NDRG2: variants seen among roughly 807,000 people sequenced by gnomAD.
NDRG2 encodes the protein NDRG family member 2, also known as protein NDRG2.
Under a neutral mutation model 58.2 loss-of-function variants are expected in NDRG2, and 34 were observed. The ratio of observed to expected loss-of-function variants is 0.58; its 90% CI spans 0.44 to 0.78. The LOEUF is 0.78. Ranked by LOEUF, NDRG2 falls within the 30% of genes least tolerant of loss-of-function variation. The pLI is 0.00. For missense variants in NDRG2, 434 were observed against 471.2 expected (o/e 0.92, Z 0.73); for synonymous variants, 187 against 175.9 (o/e 1.06, Z -0.50).
At chr14:21,030,901 C>T in intron 1 of NDRG2, 4 of 1,512,062 alleles carry the variant, frequency 2.6e-6, no homozygotes, top group Non-Finnish European at 3.6e-6. Context: ...CTTCGAGACA[C>T]TCACTGATTG....
chr14:21,022,675 A>T (rs1881234145), intron 3 of NDRG2, 178 bp from the exon 4 acceptor site: 1 of 669,094 alleles, frequency 1.5e-6, no homozygotes. Flanking sequence ...TTTGAGGATA[A>T]GAAAGAATAA....
rs1883161799 is a variant in NDRG2, at chr14:21,025,058, A to C, written c.-1035T>G. ...TGCCGCCGCGGCCGCTTCCACCTTC[A>C]CTTGCCTTTGACTCGGGCCCGCCCC... is the stretch of plus-strand genomic sequence containing the variant. On this transcript the variant is annotated 5_prime_UTR_variant, in exon 1 of 16. Coordinates refer to ENST00000556147, the MANE Select transcript of NDRG2 (RefSeq NM_001320329.2). This position sits in a 1 kb window ranked among gnomAD's most constrained non-coding sequence, Gnocchi z 5.1. The C allele has an allele frequency of 6.1e-6, 6 of 981,206 alleles. No homozygotes were observed. Among genetic ancestry groups the C allele is most frequent in the South Asian group, 4.7e-5 (1 of 21,096 alleles). 60.8% of individuals were successfully genotyped at this position (981,206 alleles called of 1,614,324 possible).
chr14:21,066,925 C>T (rs925603715), intron 1 of NDRG2, among the ~76,000 whole-genome samples: 33 of 152,260 alleles, frequency 2.2e-4, no homozygotes, highest in Middle Eastern at 3.4e-3. Context: ...GGATATTGAT[C>T]CCCAGATTCC....
intron 1 of NDRG2, chr14:21,043,070 C>G: frequency 6.2e-7 from 1 of 1,614,214 alleles, no homozygotes. Context: ...AGATCCCAGT[C>G]AGTGCCAAGC....
intron 1 of NDRG2, among the ~76,000 whole-genome samples, chr14:21,066,974 C>T (rs1886301833): frequency 6.6e-6 from 1 of 152,212 alleles, no homozygotes; most frequent in South Asian, 2.1e-4. Context: ...GCTCTCAAGT[C>T]CGTCCCTAAA....
intron 1 of NDRG2, chr14:21,031,954 C>T (rs749641459): frequency 9.9e-6 from 16 of 1,614,016 alleles, no homozygotes; most frequent in South Asian, 5.5e-5. Context: ...CCGGCACCCA[C>T]AAGGAGCGCT....
chr14:21,033,027 G>A (rs1053112385), intron 1 of NDRG2: 1 of 454,076 alleles, frequency 2.2e-6, no homozygotes, highest in Middle Eastern at 3.3e-4. Context: ...GAGTCTGGGG[G>A]ATTTGGGAGG....
At chr14:21,063,907 C>A (rs1886110667) in intron 1 of NDRG2, among the ~76,000 whole-genome samples, 1 of 152,164 alleles carries the variant, frequency 6.6e-6, no homozygotes, top group Admixed American at 6.5e-5. Flanking sequence ...TTTCAGGCAA[C>A]TCTAAGTATT....
rs557969830 is a variant in NDRG2 at position 21,047,463 on chromosome 14, G to T, written c.24+23365C>A. On this transcript the variant is annotated intron_variant, in intron 1 of 14. Transcript: ENST00000403829. ...TCACAGCCAAGTTAAAGGATGCCAG[G>T]AATAGTGATGAAATAGGAATTTGAC... 8.5e-5 allele frequency among the ~76,000 whole-genome samples: 13 copies of T among 152,270 alleles called. No homozygotes were observed. The South Asian group carries it at 2.7e-3, about 32-fold the overall frequency.
intron 1 of NDRG2, among the ~76,000 whole-genome samples, chr14:21,038,618 G>A (rs948784818): frequency 6.6e-6 from 1 of 152,322 alleles, no homozygotes; most frequent in East Asian, 1.9e-4. Context: ...TCTGGCTGGG[G>A]TTGAGGCACT....
At chr14:21,039,567 G>A (rs932511799) in intron 1 of NDRG2, among the ~76,000 whole-genome samples, 1 of 152,156 alleles carries the variant, frequency 6.6e-6, no homozygotes, top group Non-Finnish European at 1.5e-5. Context: ...TGAATGCAGT[G>A]AAGCCAAAAT....
At chr14:21,058,463 C>T (rs1240644837) in intron 1 of NDRG2, 1 of 779,498 alleles carries the variant, frequency 1.3e-6, no homozygotes, top group South Asian at 1.8e-5. Flanking sequence ...ATGCCATTTC[C>T]CTCCCACACA....
chr14:21,043,460 T>C (rs774892324), intron 1 of NDRG2: 18 of 1,580,646 alleles, frequency 1.1e-5, no homozygotes, highest in Non-Finnish European at 1.5e-5. Flanking sequence ...ACAGAGTCCT[T>C]TAGGTTTCCA....
upstream of NDRG2, chr14:21,028,660 A>G (rs909424401): frequency 3.3e-5 from 5 of 152,174 alleles, no homozygotes; most frequent in Non-Finnish European, 7.3e-5. Context: ...CTTGAGCAGG[A>G]GTAATAAAAA....
chr14:21,064,676 C>A (rs1398939447), intron 1 of NDRG2, among the ~76,000 whole-genome samples: 2 of 152,182 alleles, frequency 1.3e-5, no homozygotes, highest in East Asian at 3.8e-4. Context: ...GACAATGCTA[C>A]ATGAAGAAAG....
intron 1 of NDRG2, among the ~76,000 whole-genome samples, chr14:21,057,280 GA>G (rs1885715993): frequency 6.6e-6 from 1 of 151,990 alleles, no homozygotes; most frequent in East Asian, 1.9e-4. Context: ...ACTAAAAATA[GA>G]AAAAATTAGC....
At chr14:21,040,866 T>A (rs910695316) in intron 1 of NDRG2, among the ~76,000 whole-genome samples, 1 of 152,254 alleles carries the variant, frequency 6.6e-6, no homozygotes, top group Non-Finnish European at 1.5e-5. Context: ...ACTGTTCTAC[T>A]TTTTTCCCTA....
At position 21,068,100 on chromosome 14, in the gene NDRG2, C is replaced by T. The variant is rs10143954; in HGVS notation, c.24+2728G>A. Among the ~76,000 whole-genome samples the T allele has an allele frequency of 7.4e-5, 3 of 40,602 alleles. 1 individual carries two copies. Among genetic ancestry groups the T allele is most frequent in the East Asian group, 7.6e-4 (1 of 1,314 alleles). 26.6% of individuals were successfully genotyped at this position (40,602 alleles called of 152,430 possible). On this transcript the variant is annotated intron_variant, in intron 1 of 14. Coordinates refer to the NDRG2 transcript ENST00000403829. ...CTGCAAGCTCCGCCTCCCGGGTTCACGCCATTCTCCTGCCTCAGCCTCCCG... is the reference window on the plus strand; with the variant it reads ...CTGCAAGCTCCGCCTCCCGGGTTCATGCCATTCTCCTGCCTCAGCCTCCCG...
At chr14:21,037,237 C>T (rs186086174) in intron 1 of NDRG2, among the ~76,000 whole-genome samples, 1 of 152,370 alleles carries the variant, frequency 6.6e-6, no homozygotes, top group East Asian at 1.9e-4. Context: ...GGCTTCCCAA[C>T]TGCAATCCTG....
Sources: gnomAD v4.1 joint callset for allele counts (sites outside exome capture counted in the v4.1 genomes callset) on GRCh38, gnomAD v4.1.1 for gene constraint, Gnocchi (gnomAD v3.1) non-coding constraint, MANE v1.5 for transcripts, NCBI Gene and HGNC (gene_info 2026-07-23, HGNC 2026-07-21) for gene names.